The following SGK3 variants were observed in gnomAD, a reference collection of about 807,000 sequenced individuals.
SGK3 encodes serum/glucocorticoid regulated kinase family member 3.
In SGK3, 47 loss-of-function variants were observed where a neutral mutation model predicts 68.5. The observed-to-expected ratio is 0.69, with a 90% CI of 0.54 to 0.87. SGK3 has a LOEUF of 0.87. Among genes scored for constraint, SGK3 ranks in the 40% least tolerant of loss-of-function variants. The pLI, the probability that SGK3 is intolerant of heterozygous loss-of-function variation, is 0.00. For synonymous variants in SGK3, 181 were observed against 189.1 expected (o/e 0.96, Z 0.35); for missense variants, 479 against 575.5 (o/e 0.83, Z 1.72).
chr8:66,723,050 G>A (rs1284265334), intron 1 of SGK3, among the ~76,000 whole-genome samples: 1 of 120,972 alleles, frequency 8.3e-6, no homozygotes, highest in Non-Finnish European at 1.6e-5. Flanking sequence ...AACTATATCA[G>A]GTACCATTGT....
chr8:66,839,559 T>TATATATA lies in SGK3; in HGVS notation c.742-444_742-443insATATATA, dbSNP rs1563654706. Among the ~76,000 whole-genome samples, 5 of 70,340 alleles carry TATATATA rather than the reference T, an allele frequency of 7.1e-5. 1 individual carries two copies. The highest frequency in any genetic ancestry group is 1.0e-4 in the Non-Finnish European group (4 of 38,536). 46.1% of individuals were successfully genotyped at this position (70,340 alleles called of 152,430 possible). Reference sequence around the variant, plus strand: ...TATATATATATATATATATATATATTTTCATATGGGTTATATTTGTTCTGC... The same window carrying TATATATA: ...TATATATATATATATATATATATATTATATATATTCATATGGGTTATATTTGTTCTGC... On this transcript the variant is annotated intron_variant, in intron 10 of 16. Coordinates refer to ENST00000521198, the MANE Select transcript of SGK3 (RefSeq NM_001033578.3).
At chr8:66,808,116 G>A (rs1183792445) in intron 4 of SGK3, among the ~76,000 whole-genome samples, 1 of 152,186 alleles carries the variant, frequency 6.6e-6, no homozygotes, top group Non-Finnish European at 1.5e-5. Context: ...AAGGATGAGG[G>A]AGAGATTGGG....
chr8:66,779,561 AATATATATATAT>A (rs200618083), intron 1 of SGK3, among the ~76,000 whole-genome samples: 1,061 of 89,380 alleles, frequency 0.012, 9 homozygotes, highest in African/African-American at 0.022. Flanking sequence ...TATGTGTGTG[AATATATATATAT>A]ATATATATAT....
At chr8:66,838,184 A>C (rs1429538371) in intron 10 of SGK3, among the ~76,000 whole-genome samples, 2 of 150,778 alleles carry the variant, frequency 1.3e-5, no homozygotes, top group East Asian at 1.9e-4. Context: ...TCCTGCCTCA[A>C]CCTCCCGAGT....
Position 66,745,681 on chromosome 8 carries a change from G to A in SGK3, c.-122+32848G>A, listed in dbSNP as rs146432232. Among the ~76,000 whole-genome samples the A allele has an allele frequency of 5.8e-3, 890 of 152,310 alleles. 11 individuals carry two copies. Among genetic ancestry groups the A allele is most frequent in the African/African-American group, 0.02 (824 of 41,572 alleles). Reference sequence around the variant, plus strand: ...ATTTGTGCTGCTGCTATAGCAGAATGCCTGAGACTGGGTAATTTATAAGGA... The same window carrying A: ...ATTTGTGCTGCTGCTATAGCAGAATACCTGAGACTGGGTAATTTATAAGGA... On this transcript the variant is annotated intron_variant, in intron 1 of 16. Coordinates refer to ENST00000521198, the MANE Select transcript of SGK3 (RefSeq NM_001033578.3).
rs2272774 is a variant in SGK3 at position 66,847,065 on chromosome 8, T to C, written c.1075-128T>C. ...TTGCTTCAGGAAGCCACACTGCAGG[T>C]GTCTACACGTCCCAAGAGGTCCATA... On this transcript the variant is annotated intron_variant, in intron 14 of 16. Coordinates refer to ENST00000521198, the MANE Select transcript of SGK3 (RefSeq NM_001033578.3). 4.1e-3 allele frequency: 5,362 copies of C among 1,308,052 alleles called. 173 individuals are homozygous for C. The Admixed American group carries it at 0.066, about 16-fold the overall frequency. 81.0% of individuals were successfully genotyped at this position (1,308,052 alleles called of 1,614,324 possible).
intron 13 of SGK3, among the ~76,000 whole-genome samples, chr8:66,841,503 T>C (rs1809796100): frequency 6.6e-6 from 1 of 152,234 alleles, no homozygotes; most frequent in African/African-American, 2.4e-5. Flanking sequence ...TCTGTGACTA[T>C]GTTAACAACA....
At chr8:66,832,732 C>T (rs1184240280) in intron 8 of SGK3, among the ~76,000 whole-genome samples, 1 of 150,292 alleles carries the variant, frequency 6.7e-6, no homozygotes, top group East Asian at 1.9e-4. Context: ...TAGCAAGACC[C>T]CATCTCAAAA....
At chr8:66,814,663 G>A (rs1254385617) in intron 5 of SGK3, among the ~76,000 whole-genome samples, 2 of 152,176 alleles carry the variant, frequency 1.3e-5, no homozygotes, top group African/African-American at 2.4e-5. Context: ...GAGGCCTCCA[G>A]TCTTTCTCAA....
At chr8:66,802,478 C>T (rs899328593) in intron 3 of SGK3, among the ~76,000 whole-genome samples, 11 of 152,158 alleles carry the variant, frequency 7.2e-5, no homozygotes, top group Admixed American at 7.2e-4. Context: ...TGCTTGAGCT[C>T]AGGAGTTCAA....
chr8:66,847,071 C>A (rs1810060620), intron 14 of SGK3, 122 bp from the exon 15 acceptor site: 2 of 1,383,520 alleles, frequency 1.4e-6, no homozygotes. Flanking sequence ...CAGGTGTCTA[C>A]ACGTCCCAAG....
intron 12 of SGK3, 92 bp from the exon 13 acceptor site, chr8:66,840,932 A>ACT (rs1421958060): frequency 1.2e-5 from 11 of 891,314 alleles, no homozygotes; most frequent in Non-Finnish European, 1.8e-5. Flanking sequence ...ACAGAGTAAG[A>ACT]CTCTGTTTCA....
At chr8:66,773,933 CTAT>C (rs1432341252) in intron 1 of SGK3, among the ~76,000 whole-genome samples, 1 of 152,122 alleles carries the variant, frequency 6.6e-6, no homozygotes, top group Non-Finnish European at 1.5e-5. Flanking sequence ...GACTGGTGTA[CTAT>C]TATTATTACA....
chr8:66,848,750 C>CA (rs1040751528), intron 15 of SGK3, among the ~76,000 whole-genome samples: 3 of 151,972 alleles, frequency 2.0e-5, no homozygotes, highest in Admixed American at 6.6e-5. Context: ...CTTCTTAAGC[C>CA]AAAAAAACCC....
At chr8:66,754,329 T>C (rs775301428) in intron 1 of SGK3, among the ~76,000 whole-genome samples, 1 of 152,212 alleles carries the variant, frequency 6.6e-6, no homozygotes. Flanking sequence ...CTAAGGAACA[T>C]TGCACCATTT....
At chr8:66,744,508 TATATATA>T (rs1407677823) in intron 1 of SGK3, among the ~76,000 whole-genome samples, 3 of 31,228 alleles carry the variant, frequency 9.6e-5, no homozygotes, top group African/African-American at 4.2e-4. Flanking sequence ...TATATATATA[TATATATA>T]TATATTTTTT....
intron 1 of SGK3, among the ~76,000 whole-genome samples, chr8:66,714,057 A>T (rs539744057): frequency 4.4e-4 from 67 of 152,356 alleles, no homozygotes; most frequent in African/African-American, 1.5e-3. Flanking sequence ...TGGAGACACC[A>T]GAACTTCCCC....
At chr8:66,728,965 A>G (rs967257090) in intron 1 of SGK3, among the ~76,000 whole-genome samples, 1 of 151,878 alleles carries the variant, frequency 6.6e-6, no homozygotes, top group African/African-American at 2.4e-5. Context: ...CATGCCTGTA[A>G]TCCCAGCACT....
intron 16 of SGK3, among the ~76,000 whole-genome samples, chr8:66,855,771 C>G (rs1810485425): frequency 6.6e-6 from 1 of 152,110 alleles, no homozygotes. Flanking sequence ...TGAAGAAGTG[C>G]AATATTAAAC....
Sources: allele counts gnomAD v4.1 joint callset (sites outside exome capture counted in the v4.1 genomes callset), GRCh38; gene constraint gnomAD v4.1.1; transcripts MANE v1.5; gene names NCBI Gene and HGNC (gene_info 2026-07-23, HGNC 2026-07-21).